The following FAM135B variants were observed in gnomAD, a reference collection of about 807,000 sequenced individuals.
FAM135B encodes the protein family with sequence similarity 135 member B, also known as protein FAM135B.
FAM135B carries 43 observed loss-of-function variants against 127.7 expected under a neutral mutation model. The observed-to-expected ratio is 0.34, with a 90% CI of 0.26 to 0.43. The LOEUF (loss-of-function observed/expected upper bound fraction) is 0.43, where lower values mean the gene tolerates loss of function less well. Ranked by LOEUF, FAM135B falls within the 20% of genes least tolerant of loss-of-function variation. FAM135B has a pLI of 1.00. For synonymous variants in FAM135B, 670 were observed against 665.1 expected (o/e 1.01, Z -0.11); for missense variants, 1,558 against 1,725.6 (o/e 0.90, Z 1.72).
chr8:138,194,477 C>G (rs2131104603), intron 9 of FAM135B, among the ~76,000 whole-genome samples: 1 of 152,318 alleles, frequency 6.6e-6, no homozygotes, highest in East Asian at 1.9e-4. Flanking sequence ...ATCCCAGATA[C>G]TCTGTTTCAG....
At chr8:138,149,800 C>A (rs142428227) in intron 13 of FAM135B, among the ~76,000 whole-genome samples, 1 of 152,102 alleles carries the variant, frequency 6.6e-6, no homozygotes, top group East Asian at 1.9e-4. Context: ...GGCTCCACCA[C>A]GCGCACATGA....
chr8:138,243,281 T>C lies in FAM135B; in HGVS notation c.543-213A>G, dbSNP rs1820994847. On this transcript the variant is annotated intron_variant, in intron 6 of 19. Coordinates refer to ENST00000395297, the MANE Select transcript of FAM135B (RefSeq NM_015912.4). This position sits in a 1 kb window ranked among gnomAD's most constrained non-coding sequence, Gnocchi z 7.5. ...ACGTAAGCTTGAAAGTCAATGATGA[T>C]ACACATCCTACAATGTGTGCATGTA... Among the ~76,000 whole-genome samples, 1 of 152,170 alleles carries C rather than the reference T, an allele frequency of 6.6e-6. No homozygotes were observed. The highest frequency in any genetic ancestry group is 1.5e-5 in the Non-Finnish European group (1 of 68,034).
chr8:138,481,323 A>C (rs950173643), intron 1 of FAM135B, among the ~76,000 whole-genome samples: 3 of 152,258 alleles, frequency 2.0e-5, no homozygotes, highest in Admixed American at 2.0e-4. Context: ...CATTTTACAG[A>C]CAAGAAAACA....
At chr8:138,335,005 C>T (rs1828461066) in intron 2 of FAM135B, among the ~76,000 whole-genome samples, 1 of 152,250 alleles carries the variant, frequency 6.6e-6, no homozygotes, top group South Asian at 2.1e-4. Flanking sequence ...GAAGAAAAGT[C>T]TACATTTTCT....
chr8:138,132,828 T>C lies in FAM135B; in HGVS notation c.4016-30A>G. 3 of 1,602,546 alleles carry C rather than the reference T, an allele frequency of 1.9e-6. No homozygotes were observed. The highest frequency in any genetic ancestry group is 2.6e-6 in the Non-Finnish European group (3 of 1,169,916). On this transcript the variant is annotated intron_variant, in intron 19 of 19. Transcript: ENST00000395297. This position sits in a 1 kb window ranked among gnomAD's most constrained non-coding sequence, Gnocchi z 4.5. Reference sequence around the variant, plus strand: ...AAAGTGGGGAAGAAGGACATGAAGCTGGTGCAGAAATTAGCAGTGGAATCT... The same window carrying C: ...AAAGTGGGGAAGAAGGACATGAAGCCGGTGCAGAAATTAGCAGTGGAATCT...
At chr8:138,367,671 G>C (rs2131214558) in intron 2 of FAM135B, among the ~76,000 whole-genome samples, 2 of 152,162 alleles carry the variant, frequency 1.3e-5, no homozygotes, top group South Asian at 4.2e-4. Context: ...AGGTAGAAGG[G>C]AGTGCAGGGG....
At chr8:138,373,728 C>T (rs893845793) in intron 1 of FAM135B, among the ~76,000 whole-genome samples, 1 of 152,040 alleles carries the variant, frequency 6.6e-6, no homozygotes, top group South Asian at 2.1e-4. Flanking sequence ...GAGGGTGAGT[C>T]TCTAAAATGG....
chr8:138,138,303 CA>C (rs1486839115), intron 18 of FAM135B, among the ~76,000 whole-genome samples: 1 of 152,226 alleles, frequency 6.6e-6, no homozygotes, highest in African/African-American at 2.4e-5. Context: ...ACACCAGATT[CA>C]CAGGCACAGA....
chr8:138,388,210 G>A (rs143963476), intron 1 of FAM135B, among the ~76,000 whole-genome samples: 3 of 152,232 alleles, frequency 2.0e-5, no homozygotes, highest in East Asian at 1.9e-4. Context: ...ACTACATGTC[G>A]ATTAGAAGTG....
At chr8:138,334,855 C>T (rs962250232) in intron 2 of FAM135B, among the ~76,000 whole-genome samples, 12 of 152,026 alleles carry the variant, frequency 7.9e-5, no homozygotes, top group African/African-American at 1.9e-4. Context: ...AGTGAACATA[C>T]GCATACATGT....
At chr8:138,178,471 T>C (rs1814695964) in intron 10 of FAM135B, 64 bp downstream of exon 10, 2 of 1,580,764 alleles carry the variant, frequency 1.3e-6, no homozygotes, top group Non-Finnish European at 1.7e-6. Context: ...CTAATTCTCA[T>C]AAAGGTTCCT....
chr8:138,439,538 T>C (rs1835647496), intron 1 of FAM135B: 1 of 152,124 alleles, frequency 6.6e-6, no homozygotes, highest in African/African-American at 2.4e-5. Context: ...GAACATGTCA[T>C]GTTGGGTTTC....
At chr8:138,254,354 G>C (rs886941713) in intron 5 of FAM135B, among the ~76,000 whole-genome samples, 2 of 152,186 alleles carry the variant, frequency 1.3e-5, no homozygotes, top group African/African-American at 4.8e-5. Context: ...TCACATGGAG[G>C]GCAGGTTGGA....
intron 2 of FAM135B, among the ~76,000 whole-genome samples, chr8:138,342,417 T>A (rs1829114627): frequency 6.6e-6 from 1 of 152,192 alleles, no homozygotes; most frequent in Non-Finnish European, 1.5e-5. Flanking sequence ...CAAAGGCAGC[T>A]GCAAAGGCAG....
intron 1 of FAM135B, chr8:138,440,032 T>C (rs1242859946): frequency 6.6e-6 from 1 of 152,184 alleles, no homozygotes; most frequent in Non-Finnish European, 1.5e-5. Context: ...GAAGATAGTG[T>C]GATGAACAAG....
At chr8:138,211,833 T>C (rs4909757) in intron 7 of FAM135B, among the ~76,000 whole-genome samples, 110,517 of 152,032 alleles carry the variant, frequency 0.73, 40,441 homozygotes, top group East Asian at 0.83. Flanking sequence ...TTTGGGAGGC[T>C]GAGGCAGGTG....
At chr8:138,421,650 T>A (rs927635322) in intron 1 of FAM135B, among the ~76,000 whole-genome samples, 1 of 151,892 alleles carries the variant, frequency 6.6e-6, no homozygotes, top group Non-Finnish European at 1.5e-5. Context: ...CACAAACAAA[T>A]AGAAAAACAT....
At chr8:138,382,150 G>A (rs957098190) in intron 1 of FAM135B, among the ~76,000 whole-genome samples, 1 of 152,136 alleles carries the variant, frequency 6.6e-6, no homozygotes, top group African/African-American at 2.4e-5. Flanking sequence ...AGATGTGCAA[G>A]CCTCCATTCC....
At chr8:138,328,069 A>G (rs1827930541) in intron 2 of FAM135B, among the ~76,000 whole-genome samples, 1 of 152,132 alleles carries the variant, frequency 6.6e-6, no homozygotes, top group Admixed American at 6.5e-5. Context: ...CTAAAACTGC[A>G]TTCAGTGTTT....
Sources: gnomAD v4.1 joint callset for allele counts (sites outside exome capture counted in the v4.1 genomes callset) on GRCh38, gnomAD v4.1.1 for gene constraint, Gnocchi (gnomAD v3.1) non-coding constraint, MANE v1.5 for transcripts, NCBI Gene and HGNC (gene_info 2026-07-23, HGNC 2026-07-21) for gene names.